TBC1D32: variants seen among roughly 807,000 people sequenced by gnomAD.
The protein encoded by TBC1D32 is TBC1 domain family member 32.
TBC1D32 carries 151 observed loss-of-function variants against 170.3 expected under a neutral mutation model. The observed-to-expected ratio is 0.89, with a 90% CI of 0.78 to 1.01. TBC1D32 has a LOEUF of 1.01. Among genes scored for constraint, TBC1D32 ranks in the 50% least tolerant of loss-of-function variants. The pLI is 0.00. For missense variants in TBC1D32, 1,464 were observed against 1,457.1 expected (o/e 1.00, Z -0.08); for synonymous variants, 498 against 488.0 (o/e 1.02, Z -0.27).
intron 22 of TBC1D32, among the ~76,000 whole-genome samples, chr6:121,186,668 T>C (rs1029925272): frequency 3.1e-4 from 47 of 152,044 alleles, no homozygotes; most frequent in African/African-American, 1.1e-3. Flanking sequence ...TCCATCTCTC[T>C]CCTGCTTTAC....
chr6:121,254,700 C>T (rs1798743510), intron 17 of TBC1D32, among the ~76,000 whole-genome samples: 1 of 151,998 alleles, frequency 6.6e-6, no homozygotes, highest in Non-Finnish European at 1.5e-5. Flanking sequence ...AAGAATAGCC[C>T]TTCAAGTTCT....
At chr6:121,224,588 A>G (rs1794862711) in intron 20 of TBC1D32, 1 of 152,144 alleles carries the variant, frequency 6.6e-6, no homozygotes, top group Admixed American at 6.6e-5. Context: ...AGCAAAAATA[A>G]TCTGTATTTT....
intron 15 of TBC1D32, among the ~76,000 whole-genome samples, chr6:121,262,479 CT>C (rs60601929): frequency 0.12 from 17,245 of 143,194 alleles, 1,771 homozygotes; most frequent in African/African-American, 0.3. Context: ...ATATTAAATA[CT>C]TTTTTTTTTT....
intron 20 of TBC1D32, among the ~76,000 whole-genome samples, chr6:121,237,923 G>A (rs963695346): frequency 1.8e-4 from 28 of 151,812 alleles, no homozygotes; most frequent in African/African-American, 5.8e-4. Flanking sequence ...TGTGAGATAC[G>A]CCATAGAGAT....
At chr6:121,221,058 C>A (rs1048222095) in intron 21 of TBC1D32, among the ~76,000 whole-genome samples, 2 of 152,186 alleles carry the variant, frequency 1.3e-5, no homozygotes, top group Non-Finnish European at 2.9e-5. Context: ...GACAGGCGAA[C>A]TCTCTTCTTA....
At chr6:121,117,554 T>G (rs941553597) in intron 26 of TBC1D32, among the ~76,000 whole-genome samples, 6 of 151,754 alleles carry the variant, frequency 4.0e-5, no homozygotes, top group African/African-American at 1.5e-4. Context: ...ATACAAAAAT[T>G]AGCCAGGCGT....
At chr6:121,151,300 G>C (rs1784183090) in intron 24 of TBC1D32, among the ~76,000 whole-genome samples, 1 of 152,164 alleles carries the variant, frequency 6.6e-6, no homozygotes, top group African/African-American at 2.4e-5. Context: ...TTTCCATGTA[G>C]TTGTGCGGTT....
chr6:121,126,543 G>C, intron 25 of TBC1D32, 82 bp from the exon 26 acceptor site: 6 of 998,018 alleles, frequency 6.0e-6, no homozygotes, highest in Non-Finnish European at 9.2e-6. Flanking sequence ...AGAACTAGTA[G>C]GTAAAAGTCA....
chr6:121,084,653 G>A lies in TBC1D32; in HGVS notation c.3655-3763C>T, dbSNP rs547091211. Among the ~76,000 whole-genome samples, 80 of 152,170 alleles carry A rather than the reference G, an allele frequency of 5.3e-4. 1 individual carries two copies. In the South Asian group the frequency reaches 0.016, roughly 31 times the overall value. On this transcript the variant is annotated intron_variant, in intron 31 of 31. Coordinates refer to ENST00000398212, the MANE Select transcript of TBC1D32 (RefSeq NM_152730.6). ...ATACCAATACCTTGAAAAGTTATTT[G>A]TATCAGTTGATGTTTGCAAAAATAC...
intron 20 of TBC1D32, among the ~76,000 whole-genome samples, chr6:121,231,335 G>A (rs528072421): frequency 2.6e-5 from 4 of 152,174 alleles, no homozygotes; most frequent in African/African-American, 9.6e-5. Flanking sequence ...ATGTGCATGT[G>A]GGCAGTTCCA....
chr6:121,329,276 G>T (rs1168850404), intron 1 of TBC1D32, among the ~76,000 whole-genome samples: 3 of 152,016 alleles, frequency 2.0e-5, no homozygotes, highest in Admixed American at 1.3e-4. Flanking sequence ...ATACGGAGAG[G>T]TTACTCTTAC....
At chr6:121,115,451 A>G (rs1779597972) in intron 26 of TBC1D32, 2 of 404,742 alleles carry the variant, frequency 4.9e-6, no homozygotes, top group Non-Finnish European at 8.8e-6. Flanking sequence ...CATAAAAAGC[A>G]TTGGAAAACA....
intron 31 of TBC1D32, among the ~76,000 whole-genome samples, chr6:121,087,408 A>G (rs1776367021): frequency 6.6e-6 from 1 of 152,194 alleles, no homozygotes; most frequent in Non-Finnish European, 1.5e-5. Context: ...TATATCCTCA[A>G]TTACCTCATT....
intron 30 of TBC1D32, among the ~76,000 whole-genome samples, chr6:121,099,069 C>G (rs762908201): frequency 1.4e-4 from 22 of 151,906 alleles, no homozygotes; most frequent in Non-Finnish European, 2.6e-4. Flanking sequence ...TATAATCCTG[C>G]TTTCATAATA....
At chr6:121,151,166 T>G (rs2128235081) in intron 24 of TBC1D32, among the ~76,000 whole-genome samples, 1 of 152,268 alleles carries the variant, frequency 6.6e-6, no homozygotes, top group Non-Finnish European at 1.5e-5. Flanking sequence ...CCTCTAACAC[T>G]GCTTTAGCTG....
intron 23 of TBC1D32, 82 bp from the exon 24 acceptor site, chr6:121,160,185 C>T: frequency 1.1e-6 from 1 of 918,598 alleles, no homozygotes; most frequent in Non-Finnish European, 1.7e-6. Flanking sequence ...ATATTGTTAA[C>T]TTAAACTGGC....
At chr6:121,133,536 T>C (rs1433445511) in intron 24 of TBC1D32, among the ~76,000 whole-genome samples, 2 of 152,022 alleles carry the variant, frequency 1.3e-5, no homozygotes, top group African/African-American at 2.4e-5. Context: ...TTCAGTGTTA[T>C]TTAGCCCTAA....
At chr6:121,320,106 T>C (rs1202032442) in intron 2 of TBC1D32, among the ~76,000 whole-genome samples, 1 of 151,160 alleles carries the variant, frequency 6.6e-6, no homozygotes, top group Non-Finnish European at 1.5e-5. Context: ...AAAATAAATA[T>C]AAAAATGTTT....
chr6:121,112,542 G>C lies in TBC1D32; in HGVS notation c.3287C>G (p.Thr1096Ser), dbSNP rs999332096. 20 of 1,610,386 alleles carry C rather than the reference G, an allele frequency of 1.2e-5. No individual in the cohort carries two copies. Among genetic ancestry groups the C allele is most frequent in the Non-Finnish European group, 1.7e-5 (20 of 1,177,794 alleles). ...QFLHQFSRLL[T>S]SAFLWLPRLH... ...CCTTGGCAACCAAAGAAAAGCAGAA[G>C]TCAGAAGCCTGGAGAATTGATGAAG... The change falls in exon 29 of 32, where the codon ACT (threonine) becomes AGT (serine). Residue 1096 changes from threonine (T) to serine (S), a missense_variant. By Grantham distance (58) the Thr-to-Ser change is moderately conservative. Coordinates refer to ENST00000398212, the MANE Select transcript of TBC1D32 (RefSeq NM_152730.6).
Sources: gnomAD v4.1 joint callset for allele counts (sites outside exome capture counted in the v4.1 genomes callset) on GRCh38, gnomAD v4.1.1 for gene constraint, MANE v1.5 for transcripts, NCBI Gene and HGNC (gene_info 2026-07-23, HGNC 2026-07-21) for gene names.